Variants in MTERF4 observed in about 807,000 individuals in gnomAD.
The protein encoded by MTERF4 is mitochondrial transcription termination factor 4, also known as transcription termination factor 4, mitochondrial.
MTERF4 carries 17 observed loss-of-function variants against 22.5 expected under a neutral mutation model. The observed-to-expected ratio is 0.75, with a 90% CI of 0.52 to 1.13. MTERF4 has a LOEUF of 1.13. Among genes scored for constraint, MTERF4 ranks in the 50% most tolerant of loss-of-function variants. The pLI, the probability that MTERF4 is intolerant of heterozygous loss-of-function variation, is 0.00. For synonymous variants in MTERF4, 165 were observed against 175.3 expected (o/e 0.94, Z 0.47); for missense variants, 420 against 466.8 (o/e 0.90, Z 0.92).
At chr2:241,069,192 T>G (rs1408780045), downstream of MTERF4, among the ~76,000 whole-genome samples, 1 of 152,194 alleles carries the variant, frequency 6.6e-6, no homozygotes. The surrounding 1 kb of genome is among the most constrained non-coding windows in gnomAD (Gnocchi z 4.9). Context: ...GCCGCTGGGC[T>G]GGGCTGGGCC....
In MTERF4 at chr2:241,096,217, A is replaced by G. The variant is rs1478173866; in HGVS notation, c.927T>C (p.Ser309=). 1 of 1,614,192 alleles carries G rather than the reference A, an allele frequency of 6.2e-7. No homozygotes were observed. Among genetic ancestry groups the G allele is most frequent in the African/African-American group, 1.3e-5 (1 of 75,046 alleles). Residue 309 remains serine, a synonymous_variant, in exon 4 of 4, where the codon TCT becomes TCC. Coordinates refer to ENST00000391980, the MANE Select transcript of MTERF4 (RefSeq NM_182501.4). This position sits in a 1 kb window ranked among gnomAD's most constrained non-coding sequence, Gnocchi z 5.1. ...TCTTAAAAACTTGAAACTCCTCAAC[A>G]GAAGTACAGGCTGTCCTGGCCAAAA... ...AEFLARTACT[S]VEEFQVFKKL...
At chr2:241,088,288 G>A, downstream of MTERF4, 2 of 1,028,482 alleles carry the variant, frequency 1.9e-6, no homozygotes, top group South Asian at 2.5e-5. Flanking sequence ...TCAGCAGGCA[G>A]CCTGGACTGA....
downstream of MTERF4, chr2:241,071,518 CA>C (rs1447040286): frequency 1.3e-6 from 2 of 1,538,700 alleles, no homozygotes; most frequent in African/African-American, 2.7e-5. Context: ...GCCACAGGGG[CA>C]GGGACAGGAG....
the MTERF4 span, chr2:241,065,545 G>A: frequency 6.2e-7 from 1 of 1,612,874 alleles, no homozygotes; most frequent in Non-Finnish European, 8.5e-7. Flanking sequence ...AAGCGAAACA[G>A]TAACAACAAG....
At chr2:241,048,837 C>G in the MTERF4 span, 1 of 1,363,142 alleles carries the variant, frequency 7.3e-7, no homozygotes, top group African/African-American at 1.4e-5. Context: ...ATGGTGGCTT[C>G]GGCCGGGGTC....
downstream of MTERF4, chr2:241,087,664 T>C: frequency 7.2e-7 from 1 of 1,384,064 alleles, no homozygotes; most frequent in Non-Finnish European, 9.3e-7. Flanking sequence ...CATGTGAGCA[T>C]ACCCAGAGGG....
At chr2:241,072,443 A>G (rs964036563) in exon 5 of MTERF4, 2 of 357,462 alleles carry the variant, frequency 5.6e-6, no homozygotes, top group Non-Finnish European at 1.1e-5. Flanking sequence ...GGAGTGAGGC[A>G]GGCGCGACCC....
the MTERF4 span, among the ~76,000 whole-genome samples, chr2:241,064,593 C>T: frequency 6.6e-6 from 1 of 152,222 alleles, no homozygotes; most frequent in Non-Finnish European, 1.5e-5. The surrounding 1 kb of genome is among the most constrained non-coding windows in gnomAD (Gnocchi z 7.0). Flanking sequence ...CCTGTCCTGT[C>T]CTGATCCAGT....
downstream of MTERF4, among the ~76,000 whole-genome samples, chr2:241,084,126 C>T (rs368956581): frequency 1.4e-5 from 2 of 140,662 alleles, no homozygotes; most frequent in East Asian, 2.1e-4. Flanking sequence ...ATGATGGCAG[C>T]GTCTAGGATT....
chr2:241,081,558 C>A, intron 4 of MTERF4: 1 of 748,818 alleles, frequency 1.3e-6, no homozygotes, highest in East Asian at 2.7e-5. Context: ...CCGCAGCACA[C>A]CACAGAGGAG....
downstream of MTERF4, among the ~76,000 whole-genome samples, chr2:241,082,561 G>A (rs886167368): frequency 1.3e-5 from 2 of 152,192 alleles, no homozygotes; most frequent in African/African-American, 4.8e-5. Flanking sequence ...ACTGCCCCAA[G>A]TCCATGCAGC....
the MTERF4 span, chr2:241,049,041 C>T: frequency 6.2e-7 from 1 of 1,613,114 alleles, no homozygotes; most frequent in Non-Finnish European, 8.5e-7. Context: ...CCATGCCCTG[C>T]AACATGAACA....
At chr2:241,051,195 G>C in the MTERF4 span, 1 of 152,398 alleles carries the variant, frequency 6.6e-6, no homozygotes, top group African/African-American at 2.4e-5. The surrounding 1 kb of genome is among the most constrained non-coding windows in gnomAD (Gnocchi z 4.7). Flanking sequence ...TGGCAGGACA[G>C]ATGTGCTTGG....
chr2:241,084,412 C>T (rs1210210414), downstream of MTERF4, among the ~76,000 whole-genome samples: 3 of 152,130 alleles, frequency 2.0e-5, no homozygotes, highest in Non-Finnish European at 4.4e-5. Context: ...CCTTGCCCTC[C>T]CAAAGTGCTG....
the MTERF4 span, chr2:241,053,425 G>A: frequency 7.9e-7 from 1 of 1,267,504 alleles, no homozygotes; most frequent in Non-Finnish European, 1.1e-6. Flanking sequence ...AAGCCTGGAT[G>A]CCCAGCTCTG....
At chr2:241,086,916 G>T (rs1023898381), downstream of MTERF4, among the ~76,000 whole-genome samples, 13 of 152,216 alleles carry the variant, frequency 8.5e-5, no homozygotes, top group Non-Finnish European at 1.3e-4. Context: ...AAGTAGCCTG[G>T]TTAATAAATG....
the MTERF4 span, chr2:241,064,905 C>G: frequency 6.3e-7 from 1 of 1,584,618 alleles, no homozygotes; most frequent in Non-Finnish European, 8.5e-7. This position sits in a 1 kb window ranked among gnomAD's most constrained non-coding sequence, Gnocchi z 7.0. Context: ...CCAGCAACGG[C>G]TCCCACAGCT....
intron 1 of MTERF4, 92 bp downstream of exon 1, chr2:241,102,161 T>A (rs1411518749): frequency 6.5e-7 from 1 of 1,529,042 alleles, no homozygotes; most frequent in East Asian, 2.5e-5. Context: ...CTCCACGACC[T>A]GGCCGTGAAA....
chr2:241,095,060 G>A (rs1391403378), downstream of MTERF4: 1 of 90,298 alleles, frequency 1.1e-5, no homozygotes, highest in South Asian at 4.8e-4. Context: ...AAGGTGACAC[G>A]CCCCCCCCCC....
Sources: allele counts gnomAD v4.1 joint callset (sites outside exome capture counted in the v4.1 genomes callset), GRCh38; gene constraint gnomAD v4.1.1; non-coding constraint Gnocchi (gnomAD v3.1); transcripts MANE v1.5; gene names NCBI Gene and HGNC (gene_info 2026-07-23, HGNC 2026-07-21).